The following WNT2 variants were observed in gnomAD, a reference collection of about 807,000 sequenced individuals.
The protein encoded by WNT2 is protein Wnt-2.
Under a neutral mutation model 36.9 loss-of-function variants are expected in WNT2, and 12 were observed. The observed-to-expected ratio is 0.33, with a 90% CI of 0.21 to 0.53. The LOEUF is 0.53. Ranked by LOEUF, WNT2 falls within the 20% of genes least tolerant of loss-of-function variation. The pLI, the probability that WNT2 is intolerant of heterozygous loss-of-function variation, is 0.95. For missense variants in WNT2, 379 were observed against 473.1 expected (o/e 0.80, Z 1.84); for synonymous variants, 163 against 174.6 (o/e 0.93, Z 0.52).
intron 4 of WNT2, among the ~76,000 whole-genome samples, chr7:117,295,993 A>G (rs541414916): frequency 1.3e-5 from 2 of 152,324 alleles, no homozygotes; most frequent in African/African-American, 4.8e-5. Context: ...AGGATAAAAT[A>G]AGACCATGTG....
chr7:117,320,536 C>A (rs1221926671), intron 2 of WNT2, 31 bp downstream of exon 2: 7 of 1,592,550 alleles, frequency 4.4e-6, no homozygotes, highest in Non-Finnish European at 6.0e-6. Flanking sequence ...GAGTGGAGAG[C>A]CATAGGGCTG....
chr7:117,281,624 G>A (rs1794490736), intron 4 of WNT2, among the ~76,000 whole-genome samples: 1 of 152,240 alleles, frequency 6.6e-6, no homozygotes, highest in African/African-American at 2.4e-5. Flanking sequence ...CTGAAAACTA[G>A]GTCGCGAAGG....
intron 2 of WNT2, among the ~76,000 whole-genome samples, chr7:117,316,513 G>A (rs943536256): frequency 1.3e-5 from 2 of 152,194 alleles, no homozygotes; most frequent in African/African-American, 4.8e-5. Flanking sequence ...AGAGGAGTGT[G>A]ACTTTTTGAA....
chr7:117,306,952 C>G (rs1795025756), intron 3 of WNT2, among the ~76,000 whole-genome samples: 1 of 152,164 alleles, frequency 6.6e-6, no homozygotes. Context: ...AAAATCTTAG[C>G]AGATTTTTTT....
intron 3 of WNT2, among the ~76,000 whole-genome samples, chr7:117,305,333 C>A (rs1794994685): frequency 6.6e-6 from 1 of 151,998 alleles, no homozygotes; most frequent in Admixed American, 6.6e-5. Context: ...CTTCCAAATT[C>A]TTTCTTTTTC....
At chr7:117,306,763 G>A (rs551415182) in intron 3 of WNT2, among the ~76,000 whole-genome samples, 1 of 152,200 alleles carries the variant, frequency 6.6e-6, no homozygotes, top group Non-Finnish European at 1.5e-5. Flanking sequence ...TTACTACGTG[G>A]CATCCTGTCA....
In WNT2 at chr7:117,276,847, C is replaced by G. The variant is rs1209406993; in HGVS notation, c.*1308G>C. 1 of 152,224 alleles carries G rather than the reference C, an allele frequency of 6.6e-6. No individual in the cohort carries two copies. Among genetic ancestry groups the G allele is most frequent in the African/African-American group, 2.4e-5 (1 of 41,452 alleles). 9.4% of individuals were successfully genotyped at this position (152,224 alleles called of 1,614,324 possible). ...GCCAACCACTATTTGCATACTGATG[C>G]TCCCATAATTACAGTTGAGTCCCTT... is the stretch of plus-strand genomic sequence containing the variant. On this transcript the variant is annotated 3_prime_UTR_variant, in exon 5 of 5. Transcript: ENST00000265441.
chr7:117,319,565 T>G (rs1045197888), intron 2 of WNT2, among the ~76,000 whole-genome samples: 1 of 151,556 alleles, frequency 6.6e-6, no homozygotes, highest in African/African-American at 2.4e-5. Context: ...TTTCCTATTT[T>G]GGGGGTTTGC....
At chr7:117,318,635 T>G (rs1356120590) in intron 2 of WNT2, among the ~76,000 whole-genome samples, 1 of 152,160 alleles carries the variant, frequency 6.6e-6, no homozygotes, top group Non-Finnish European at 1.5e-5. Flanking sequence ...CCTCCCAGGT[T>G]CAAGTGATTT....
chr7:117,285,878 C>T (rs1360068471), intron 4 of WNT2, among the ~76,000 whole-genome samples: 1 of 152,206 alleles, frequency 6.6e-6, no homozygotes, highest in East Asian at 1.9e-4. Context: ...GGATGTGTGG[C>T]CTGCCTGAGT....
chr7:117,314,844 T>A (rs910828462), intron 3 of WNT2, among the ~76,000 whole-genome samples: 1 of 152,208 alleles, frequency 6.6e-6, no homozygotes, highest in South Asian at 2.1e-4. Flanking sequence ...CCAAACACAA[T>A]GGGTGGACTC....
In WNT2 at chr7:117,320,782, G is replaced by C; in HGVS notation, c.95C>G (p.Ala32Gly). The stretch of plus-strand genomic sequence containing the variant: ...CATCACCCTGGAGGAGCCACCTGTA[G>C]CTCTCATGTACCTATAAGGGACCAA... ...EVNSSWWYMRATGGSSRVMCD... is the reference protein window; with the variant it reads ...EVNSSWWYMRGTGGSSRVMCD... The change falls in exon 2 of 5, where the codon GCT (alanine) becomes GGT (glycine). Residue 32 changes from alanine to glycine, a missense_variant. By Grantham distance (60) the Ala-to-Gly change is moderately conservative. Transcript: ENST00000265441. 6.2e-7 allele frequency: 1 copy of C among 1,610,366 alleles called. No individual in the cohort carries two copies. The highest frequency in any genetic ancestry group is 8.5e-7 in the Non-Finnish European group (1 of 1,179,398).
chr7:117,298,074 T>C (rs1168311041), intron 3 of WNT2, among the ~76,000 whole-genome samples, 198 bp from the exon 4 acceptor site: 3 of 152,014 alleles, frequency 2.0e-5, no homozygotes, highest in Non-Finnish European at 4.4e-5. Flanking sequence ...GCAGGGGCAG[T>C]GGGTGGAGAG....
chr7:117,292,395 T>TG (rs1794706138), intron 4 of WNT2, among the ~76,000 whole-genome samples: 1 of 152,204 alleles, frequency 6.6e-6, no homozygotes, highest in South Asian at 2.1e-4. Context: ...CATGCCATCT[T>TG]GGGCAAGTTA....
chr7:117,284,603 T>C lies in WNT2; in HGVS notation c.854-6219A>G, dbSNP rs1175636187. On this transcript the variant is annotated intron_variant, in intron 4 of 4. Coordinates refer to ENST00000265441, the MANE Select transcript of WNT2 (RefSeq NM_003391.3). This position sits in a 1 kb window ranked among gnomAD's most constrained non-coding sequence, Gnocchi z 5.2. ...TTCACATTTTCCAAGCTGAATGGAG[T>C]GAAAGTTCATTCATCCTTTCTCACT... is the stretch of plus-strand genomic sequence containing the variant. Among the ~76,000 whole-genome samples, 1 of 152,188 alleles carries C rather than the reference T, an allele frequency of 6.6e-6. No individual in the cohort carries two copies. Among genetic ancestry groups the C allele is most frequent in the African/African-American group, 2.4e-5 (1 of 41,454 alleles).
chr7:117,276,666 A>G lies in WNT2; in HGVS notation c.*1489T>C, dbSNP rs1446757873. On this transcript the variant is annotated 3_prime_UTR_variant, in exon 5 of 5. Transcript: ENST00000265441. ...GATGCATGTAATGAAATATCCTGTT[A>G]ATGTAGCACTGTAAGGAAGTCATAT... 1 of 152,226 alleles carries G rather than the reference A, an allele frequency of 6.6e-6. No homozygotes were observed. The highest frequency in any genetic ancestry group is 1.5e-5 in the Non-Finnish European group (1 of 68,044). The allele number at this position is 152,226 out of a possible 1,614,324, so 9.4% of individuals were successfully genotyped here. A position where few individuals can be genotyped will look rare whatever the true frequency, so the allele number is the denominator to read the frequency against.
chr7:117,292,293 TCACACA>T (rs58179910), intron 4 of WNT2, among the ~76,000 whole-genome samples: 163 of 147,022 alleles, frequency 1.1e-3, no homozygotes, highest in African/African-American at 3.8e-3. Context: ...CCAACCACAC[TCACACA>T]CACACACACA....
At chr7:117,279,395 G>A (rs937572457) in intron 4 of WNT2, among the ~76,000 whole-genome samples, 16 of 152,124 alleles carry the variant, frequency 1.1e-4, no homozygotes, top group Non-Finnish European at 2.2e-4. Context: ...CTGCTCACTG[G>A]TGAACAATGA....
chr7:117,299,355 C>T (rs958644815), intron 3 of WNT2, among the ~76,000 whole-genome samples: 2 of 152,166 alleles, frequency 1.3e-5, no homozygotes, highest in Admixed American at 6.5e-5. Flanking sequence ...CACTCCACAT[C>T]AAGTACTTAG....
Sources: gnomAD v4.1 joint callset for allele counts (sites outside exome capture counted in the v4.1 genomes callset) on GRCh38, gnomAD v4.1.1 for gene constraint, Gnocchi (gnomAD v3.1) non-coding constraint, MANE v1.5 for transcripts, NCBI Gene and HGNC (gene_info 2026-07-23, HGNC 2026-07-21) for gene names.